WWOX: variants seen among roughly 807,000 people sequenced by gnomAD.
WWOX encodes WW domain-containing oxidoreductase.
Under a neutral mutation model 46.2 loss-of-function variants are expected in WWOX, and 69 were observed. The observed-to-expected ratio is 1.49, with a 90% CI of 1.23 to 1.82. WWOX has a LOEUF of 1.82. Ranked by LOEUF, WWOX falls within the 40% of genes most tolerant of loss-of-function variation. The pLI, the probability that WWOX is intolerant of heterozygous loss-of-function variation, is 0.00. For synonymous variants in WWOX, 359 were observed against 202.6 expected, an observed-to-expected ratio of 1.77 and a Z score of -6.56; for missense variants, 919 against 542.6, an observed-to-expected ratio of 1.69 and a Z score of -6.89.
At chr16:78,629,019 A>G (rs990512928) in intron 8 of WWOX, among the ~76,000 whole-genome samples, 11 of 152,338 alleles carry the variant, frequency 7.2e-5, no homozygotes, top group Admixed American at 4.6e-4. Context: ...AACCCGTTCC[A>G]AAAACTGGAT....
chr16:79,206,378 C>T (rs1240354352), intron 8 of WWOX: 1 of 152,176 alleles, frequency 6.6e-6, no homozygotes, highest in Middle Eastern at 3.2e-3. Context: ...AGTCTGAAGT[C>T]ACTCACTCTA....
In WWOX at chr16:78,258,166, G is replaced by A. The variant is rs142813310; in HGVS notation, c.516+93877G>A. On this transcript the variant is annotated intron_variant, in intron 5 of 8. Transcript: ENST00000566780. ...AATTGCACATTTCCTAATGAAGTTT[G>A]AAGGAAGATTTAAAAATCATATTAG... 4.9e-3 allele frequency among the ~76,000 whole-genome samples: 750 copies of A among 152,204 alleles called. 4 individuals are homozygous for A. Among genetic ancestry groups the A allele is most frequent in the African/African-American group, 0.017 (722 of 41,550 alleles).
At chr16:78,599,114 G>T (rs1247135051) in intron 8 of WWOX, among the ~76,000 whole-genome samples, 1 of 151,994 alleles carries the variant, frequency 6.6e-6, no homozygotes. Flanking sequence ...AGCTCAAGCT[G>T]CTCTCAGCTA....
intron 8 of WWOX, among the ~76,000 whole-genome samples, chr16:78,624,971 C>G (rs543883321): frequency 6.6e-6 from 1 of 152,262 alleles, no homozygotes; most frequent in Non-Finnish European, 1.5e-5. Context: ...CCCTTCATAT[C>G]CTGGTTAATG....
chr16:78,665,309 A>T (rs550615303), intron 8 of WWOX, among the ~76,000 whole-genome samples: 9 of 152,306 alleles, frequency 5.9e-5, no homozygotes, highest in African/African-American at 2.2e-4. Context: ...TATGCATGAC[A>T]CTGCCTTACC....
chr16:78,229,532 A>C (rs1019499982), intron 5 of WWOX, among the ~76,000 whole-genome samples: 5 of 147,380 alleles, frequency 3.4e-5, no homozygotes, highest in African/African-American at 9.9e-5. Flanking sequence ...ATATATATAT[A>C]AAATAATGAA....
At chr16:78,650,764 C>A (rs79605420) in intron 8 of WWOX, among the ~76,000 whole-genome samples, 3 of 152,280 alleles carry the variant, frequency 2.0e-5, no homozygotes, top group East Asian at 1.9e-4. Context: ...GGTTTCCATG[C>A]CATGTCTCCC....
intron 5 of WWOX, among the ~76,000 whole-genome samples, chr16:78,236,931 C>T (rs772961185): frequency 5.3e-5 from 8 of 151,848 alleles, no homozygotes; most frequent in South Asian, 2.1e-4. Flanking sequence ...AAAAGTTAGC[C>T]GGTGTGGTGG....
chr16:78,523,179 G>C (rs1308769491), intron 8 of WWOX, among the ~76,000 whole-genome samples: 1 of 152,142 alleles, frequency 6.6e-6, no homozygotes, highest in Non-Finnish European at 1.5e-5. Flanking sequence ...TTTATCAAAG[G>C]TGGTGGCAGT....
At chr16:78,760,923 CAGAAGAG>C (rs1400351698) in intron 8 of WWOX, among the ~76,000 whole-genome samples, 1 of 152,154 alleles carries the variant, frequency 6.6e-6, no homozygotes, top group Non-Finnish European at 1.5e-5. Context: ...TGGCAGAGAA[CAGAAGAG>C]AGCTTGTGCA....
intron 8 of WWOX, among the ~76,000 whole-genome samples, chr16:78,982,377 G>T (rs2046699998): frequency 6.6e-6 from 1 of 152,178 alleles, no homozygotes; most frequent in Admixed American, 6.5e-5. Context: ...AGTACAGCGT[G>T]CCATTGCCAG....
chr16:78,598,721 C>G lies in WWOX; in HGVS notation c.1056+165969C>G, dbSNP rs2045551198. On this transcript the variant is annotated intron_variant, in intron 8 of 8. Transcript: ENST00000566780. ...CTTAAATGCAAAAGGAGTTAATATG[C>G]CAGTGACTACAGTGTGCCTGGAAAG... is the stretch of plus-strand genomic sequence containing the variant. Among the ~76,000 whole-genome samples, 4 of 152,274 alleles carry G rather than the reference C, an allele frequency of 2.6e-5. No individual in the cohort carries two copies. The South Asian group carries it at 6.2e-4, about 24-fold the overall frequency.
chr16:78,711,469 T>A (rs2048443551), intron 8 of WWOX, among the ~76,000 whole-genome samples: 1 of 152,218 alleles, frequency 6.6e-6, no homozygotes, highest in Non-Finnish European at 1.5e-5. Context: ...TTTTTGTGAA[T>A]GTATCAACTA....
chr16:78,849,242 T>C (rs1382354116), intron 8 of WWOX, among the ~76,000 whole-genome samples: 1 of 152,128 alleles, frequency 6.6e-6, no homozygotes, highest in Non-Finnish European at 1.5e-5. Flanking sequence ...GAGTCACTCA[T>C]TCCTAGAAAT....
At chr16:78,467,497 T>C (rs533681567) in intron 8 of WWOX, among the ~76,000 whole-genome samples, 1 of 152,324 alleles carries the variant, frequency 6.6e-6, no homozygotes, top group Admixed American at 6.5e-5. Flanking sequence ...CATTGTTCTT[T>C]TATTGTTTAT....
chr16:78,464,133 T>G (rs868404924), intron 8 of WWOX, among the ~76,000 whole-genome samples: 1 of 152,064 alleles, frequency 6.6e-6, no homozygotes, highest in Admixed American at 6.6e-5. Flanking sequence ...AGATGTGGCA[T>G]GAGGAACACT....
At chr16:78,808,940 G>A (rs772857318) in intron 8 of WWOX, among the ~76,000 whole-genome samples, 11 of 152,198 alleles carry the variant, frequency 7.2e-5, no homozygotes, top group Non-Finnish European at 1.5e-4. Flanking sequence ...TATTAGGGGC[G>A]AAATGTCATG....
intron 8 of WWOX, among the ~76,000 whole-genome samples, chr16:79,162,640 A>T (rs1472936667): frequency 5.9e-5 from 9 of 152,166 alleles, no homozygotes; most frequent in East Asian, 1.9e-4. Flanking sequence ...CCCTTGGACC[A>T]TGTCTTCTGC....
chr16:78,232,214 A>G (rs1025151044), intron 5 of WWOX, among the ~76,000 whole-genome samples: 1 of 152,202 alleles, frequency 6.6e-6, no homozygotes, highest in Non-Finnish European at 1.5e-5. Context: ...CAATTGAAGA[A>G]TTTCAGGTAT....
Sources: gnomAD v4.1 joint callset for allele counts (sites outside exome capture counted in the v4.1 genomes callset) on GRCh38, gnomAD v4.1.1 for gene constraint, MANE v1.5 for transcripts, NCBI Gene and HGNC (gene_info 2026-07-23, HGNC 2026-07-21) for gene names.